The following TIAM1 variants were observed in gnomAD, a reference collection of about 807,000 sequenced individuals.
TIAM1 encodes rho guanine nucleotide exchange factor TIAM1.
Under a neutral mutation model 163.5 loss-of-function variants are expected in TIAM1, and 65 were observed. The observed-to-expected ratio is 0.40, with a 90% CI of 0.33 to 0.49. TIAM1 has a LOEUF of 0.49. Among genes scored for constraint, TIAM1 ranks in the 20% least tolerant of loss-of-function variants. TIAM1 has a pLI of 0.77. For missense variants in TIAM1, 1,789 were observed against 2,044.7 expected, an observed-to-expected ratio of 0.87 and a Z score of 2.41; for synonymous variants, 833 against 810.1, an observed-to-expected ratio of 1.03 and a Z score of -0.48.
At chr21:31,482,129 A>T (rs1470493263) in intron 1 of TIAM1, among the ~76,000 whole-genome samples, 1 of 147,698 alleles carries the variant, frequency 6.8e-6, no homozygotes, top group African/African-American at 2.6e-5. Flanking sequence ...ATATATTTAT[A>T]TACATTTTTT....
At chr21:31,215,559 C>G (rs141433974) in intron 9 of TIAM1, among the ~76,000 whole-genome samples, 111 of 103,900 alleles carry the variant, frequency 1.1e-3, no homozygotes, top group African/African-American at 6.3e-3. Flanking sequence ...GAGACTCTGT[C>G]TCAAAAAAGA....
intron 3 of TIAM1, among the ~76,000 whole-genome samples, chr21:31,271,587 A>C (rs2073058145): frequency 6.6e-6 from 1 of 152,154 alleles, no homozygotes; most frequent in Non-Finnish European, 1.5e-5. Flanking sequence ...TGGGGAAAGA[A>C]TTAAGGGCTT....
chr21:31,487,604 G>A (rs2046318244), intron 1 of TIAM1, among the ~76,000 whole-genome samples: 1 of 136,666 alleles, frequency 7.3e-6, no homozygotes, highest in South Asian at 2.3e-4. Context: ...AGGCCGGACT[G>A]CGGACTGCAG....
chr21:31,216,672 G>T (rs1297420045), intron 9 of TIAM1, among the ~76,000 whole-genome samples: 1 of 152,156 alleles, frequency 6.6e-6, no homozygotes, highest in Non-Finnish European at 1.5e-5. Flanking sequence ...TACATGGTCA[G>T]TGGACACCCG....
chr21:31,180,948 G>A (rs1437509117), intron 15 of TIAM1, among the ~76,000 whole-genome samples: 1 of 152,210 alleles, frequency 6.6e-6, no homozygotes, highest in Non-Finnish European at 1.5e-5. Context: ...AGAATGAGGG[G>A]TCCAACTTCC....
At chr21:31,370,406 G>C (rs773201447) in intron 2 of TIAM1, among the ~76,000 whole-genome samples, 5 of 152,254 alleles carry the variant, frequency 3.3e-5, no homozygotes, top group Non-Finnish European at 7.4e-5. Flanking sequence ...ATCTTTAGCA[G>C]TATATACAGA....
intron 15 of TIAM1, among the ~76,000 whole-genome samples, chr21:31,178,358 G>A (rs184361095): frequency 1.5e-4 from 21 of 144,166 alleles, no homozygotes; most frequent in Admixed American, 1.5e-4. Context: ...CCAGGCTGGA[G>A]TGCAGTGGTG....
At chr21:31,524,103 C>T (rs1005174842) in intron 1 of TIAM1, among the ~76,000 whole-genome samples, 12 of 151,898 alleles carry the variant, frequency 7.9e-5, no homozygotes, top group African/African-American at 1.5e-4. Flanking sequence ...ACTCAGGATA[C>T]ACTTCCAAGA....
chr21:31,297,004 T>G (rs2074302955), intron 2 of TIAM1, among the ~76,000 whole-genome samples: 1 of 152,162 alleles, frequency 6.6e-6, no homozygotes, highest in Non-Finnish European at 1.5e-5. Flanking sequence ...GGCATATCCT[T>G]GACATCCCTT....
chr21:31,542,284 G>A (rs1028365452), intron 1 of TIAM1, among the ~76,000 whole-genome samples: 8 of 151,764 alleles, frequency 5.3e-5, no homozygotes, highest in African/African-American at 1.5e-4. Context: ...AAAATTAGCC[G>A]GGCGTGGTGG....
At position 31,350,640 on chromosome 21, in the gene TIAM1, G is replaced by A. The variant is rs190775255; in HGVS notation, c.-368-11218C>T. Among the ~76,000 whole-genome samples, 86 of 152,240 alleles carry A rather than the reference G, an allele frequency of 5.6e-4. 1 individual carries two copies. The highest frequency in any genetic ancestry group is 1.8e-3 in the African/African-American group (73 of 41,548). ...CTCTCTTTTGCTCCTGCTCTGGCAC[G>A]TGACATGTCTGCTCCTGCTTCTCTT... is the stretch of plus-strand genomic sequence containing the variant. On this transcript the variant is annotated intron_variant, in intron 2 of 28. Transcript: ENST00000286827.
At chr21:31,243,988 T>C (rs2071359903) in intron 6 of TIAM1, among the ~76,000 whole-genome samples, 1 of 152,044 alleles carries the variant, frequency 6.6e-6, no homozygotes, top group African/African-American at 2.4e-5. Context: ...CATTTGTGAG[T>C]GGGGTGGGGT....
chr21:31,446,090 GCCA>G (rs1422201325), intron 2 of TIAM1, among the ~76,000 whole-genome samples: 4 of 151,960 alleles, frequency 2.6e-5, no homozygotes, highest in African/African-American at 9.7e-5. Context: ...ACAGGCACCC[GCCA>G]CCACACCTGG....
intron 8 of TIAM1, 26 bp downstream of exon 8, chr21:31,223,380 T>C (rs1280323099): frequency 1.3e-6 from 2 of 1,581,130 alleles, no homozygotes; most frequent in African/African-American, 1.4e-5. Context: ...TTAATGTTTT[T>C]CAAAAATTCA....
intron 1 of TIAM1, among the ~76,000 whole-genome samples, chr21:31,527,802 C>G (rs772377623): frequency 2.6e-5 from 4 of 152,104 alleles, no homozygotes; most frequent in Non-Finnish European, 5.9e-5. Flanking sequence ...TCTCCACTCA[C>G]CTGGGCCACT....
At chr21:31,135,312 GAGATCTC>G (rs1239935621) in intron 23 of TIAM1, among the ~76,000 whole-genome samples, 1 of 152,130 alleles carries the variant, frequency 6.6e-6, no homozygotes, top group Admixed American at 6.6e-5. Flanking sequence ...ACAATCACAT[GAGATCTC>G]TAATTGCAGC....
intron 4 of TIAM1, among the ~76,000 whole-genome samples, chr21:31,258,456 T>C (rs1046411111): frequency 2.0e-5 from 3 of 152,208 alleles, no homozygotes; most frequent in Non-Finnish European, 4.4e-5. Flanking sequence ...AGCAGCCTAG[T>C]TGGATTATGT....
intron 1 of TIAM1, among the ~76,000 whole-genome samples, chr21:31,523,972 C>A (rs1602487202): frequency 6.7e-6 from 1 of 149,256 alleles, no homozygotes; most frequent in Non-Finnish European, 1.5e-5. Flanking sequence ...CATGATAATT[C>A]CCAATGCTCA....
intron 2 of TIAM1, among the ~76,000 whole-genome samples, chr21:31,432,786 A>G (rs2044087017): frequency 6.6e-6 from 1 of 152,212 alleles, no homozygotes; most frequent in African/African-American, 2.4e-5. Context: ...ACGGGAGCAG[A>G]AAATAATTTG....
Sources: allele counts gnomAD v4.1 joint callset (sites outside exome capture counted in the v4.1 genomes callset), GRCh38; gene constraint gnomAD v4.1.1; transcripts MANE v1.5; gene names NCBI Gene and HGNC (gene_info 2026-07-23, HGNC 2026-07-21).